STAT4: variants seen among roughly 807,000 people sequenced by gnomAD.
The protein encoded by STAT4 is signal transducer and activator of transcription 4.
In STAT4, 42 loss-of-function variants were observed where a neutral mutation model predicts 110.5. The ratio of observed to expected loss-of-function variants is 0.38; its 90% confidence interval spans 0.30 to 0.49. The LOEUF (loss-of-function observed/expected upper bound fraction) is 0.49. Among genes scored for constraint, STAT4 ranks in the 20% least tolerant of loss-of-function variants. STAT4 has a pLI of 0.95. For missense variants in STAT4, 632 were observed against 887.9 expected (o/e 0.71, Z 3.66); for synonymous variants, 284 against 302.2 (o/e 0.94, Z 0.63).
In STAT4 at chr2:191,033,798, TA is replaced by T; in HGVS notation, c.1715+112del. 7 of 1,334,762 alleles carry T rather than the reference TA, an allele frequency of 5.2e-6. No individual in the cohort carries two copies. Among genetic ancestry groups the T allele is most frequent in the Non-Finnish European group, 6.2e-6 (6 of 973,456 alleles). 82.7% of individuals were successfully genotyped at this position (1,334,762 alleles called of 1,614,324 possible). The stretch of plus-strand genomic sequence containing the variant: ...TCCACAAAGAATAAGAAATTGCAAC[TA>T]TTTTTTTCTGTGGTACTAAACATGC... On this transcript the variant is annotated intron_variant, in intron 19 of 23. Coordinates refer to ENST00000392320, the MANE Select transcript of STAT4 (RefSeq NM_003151.4). This position sits in a 1 kb window ranked among gnomAD's most constrained non-coding sequence, Gnocchi z 6.9.
intron 13 of STAT4, 128 bp downstream of exon 13, chr2:191,057,890 G>A: frequency 1.2e-6 from 1 of 843,474 alleles, no homozygotes; most frequent in South Asian, 1.7e-5. Context: ...GAGCCACCGT[G>A]CCCGGCCGGT....
At position 191,138,375 on chromosome 2, in the gene STAT4, A is replaced by C. The variant is rs946000082; in HGVS notation, c.273+8238T>G. ...ACCATTAGTGAGATTAACCAAAAAAAGAAGAGAGAAGATCCAAATAAGATT... is the reference window on the plus strand; with the variant it reads ...ACCATTAGTGAGATTAACCAAAAAACGAAGAGAGAAGATCCAAATAAGATT... On this transcript the variant is annotated intron_variant, in intron 3 of 23. Coordinates refer to ENST00000392320, the MANE Select transcript of STAT4 (RefSeq NM_003151.4). This position sits in a 1 kb window ranked among gnomAD's most constrained non-coding sequence, Gnocchi z 4.3. Among the ~76,000 whole-genome samples, 2 of 152,212 alleles carry C rather than the reference A, an allele frequency of 1.3e-5. No homozygotes were observed. Among genetic ancestry groups the C allele is most frequent in the African/African-American group, 4.8e-5 (2 of 41,474 alleles).
intron 3 of STAT4, among the ~76,000 whole-genome samples, chr2:191,089,550 C>T (rs2125304444): frequency 6.6e-6 from 1 of 152,208 alleles, no homozygotes; most frequent in Non-Finnish European, 1.5e-5. Flanking sequence ...GCAATTGCAC[C>T]CCTTGGTATT....
At chr2:191,073,378 G>C (rs895049290) in intron 4 of STAT4, among the ~76,000 whole-genome samples, 188 bp from the exon 5 acceptor site, 9 of 152,162 alleles carry the variant, frequency 5.9e-5, no homozygotes, top group Non-Finnish European at 1.3e-4. Flanking sequence ...TTGAAGACTA[G>C]AGCAGATTAT....
At position 191,039,699 on chromosome 2, in the gene STAT4, C is replaced by A. The variant is rs1021759074; in HGVS notation, c.1336-402G>T. Among the ~76,000 whole-genome samples the A allele has an allele frequency of 6.6e-6, 1 of 152,142 alleles. No homozygotes were observed. The highest frequency in any genetic ancestry group is 2.4e-5 in the African/African-American group (1 of 41,410). On this transcript the variant is annotated intron_variant, in intron 15 of 23. Transcript: ENST00000392320. The surrounding 1 kb of genome is among the most constrained non-coding windows in gnomAD (Gnocchi z 4.7). ...AGTTTATCTCTGGAATGAATCAGTACCTTCAAATTATGACCTAACACCTAA... is the reference window on the plus strand; with the variant it reads ...AGTTTATCTCTGGAATGAATCAGTAACTTCAAATTATGACCTAACACCTAA...
chr2:191,044,411 C>T (rs1007435351), intron 14 of STAT4, among the ~76,000 whole-genome samples: 3 of 152,108 alleles, frequency 2.0e-5, no homozygotes, highest in African/African-American at 7.2e-5. Flanking sequence ...ATTTCTAACC[C>T]AGAATTCTAT....
chr2:191,099,745 G>A lies in STAT4; in HGVS notation c.274-23420C>T, dbSNP rs574382953. 1.3e-5 allele frequency among the ~76,000 whole-genome samples: 2 copies of A among 152,074 alleles called. No homozygotes were observed. The highest frequency in any genetic ancestry group is 3.9e-4 in the East Asian group (2 of 5,188). On this transcript the variant is annotated intron_variant, in intron 3 of 23. Transcript: ENST00000392320. This position sits in a 1 kb window ranked among gnomAD's most constrained non-coding sequence, Gnocchi z 4.1. ...AAGGTTCACACTTGACTGTTAATACGGATGTCTTTGAAGGTAGTGGTGTGG... is the reference window on the plus strand; with the variant it reads ...AAGGTTCACACTTGACTGTTAATACAGATGTCTTTGAAGGTAGTGGTGTGG...
chr2:191,059,170 G>C lies in STAT4; in HGVS notation c.1035-401C>G, dbSNP rs555727599. Among the ~76,000 whole-genome samples, 1 of 152,236 alleles carries C rather than the reference G, an allele frequency of 6.6e-6. No homozygotes were observed. The highest frequency in any genetic ancestry group is 2.4e-5 in the African/African-American group (1 of 41,534). On this transcript the variant is annotated intron_variant, in intron 10 of 23. Transcript: ENST00000392320. This position sits in a 1 kb window ranked among gnomAD's most constrained non-coding sequence, Gnocchi z 4.7. ...CATATTACAAAAAAGCACTTTGTGA[G>C]CTTTAATGATAAGTGTTTTATGGTG...
At chr2:191,073,220 G>T in intron 4 of STAT4, 30 bp from the exon 5 acceptor site, 1 of 1,600,380 alleles carries the variant, frequency 6.2e-7, no homozygotes, top group Non-Finnish European at 8.6e-7. Flanking sequence ...AAATCTCTCT[G>T]GTTTTGAAAA....
At chr2:191,131,790 T>C in intron 3 of STAT4, 2 of 1,345,094 alleles carry the variant, frequency 1.5e-6, no homozygotes, top group East Asian at 3.0e-5. Context: ...ATTAGTATCA[T>C]CTGAATGTCC....
intron 3 of STAT4, among the ~76,000 whole-genome samples, chr2:191,109,890 T>C (rs994240453): frequency 6.6e-6 from 1 of 152,212 alleles, no homozygotes; most frequent in South Asian, 2.1e-4. Flanking sequence ...AACTCACAAC[T>C]GCAGGGTACT....
intron 14 of STAT4, 139 bp from the exon 15 acceptor site, chr2:191,041,287 T>C: frequency 6.3e-6 from 2 of 319,386 alleles, no homozygotes; most frequent in African/African-American, 2.2e-5. Flanking sequence ...TTATTGAACA[T>C]TCCCTCTTAT....
At position 191,061,655 on chromosome 2, in the gene STAT4, G is replaced by C. The variant is rs1351565693; in HGVS notation, c.1034+74C>G. ...AACAGCTGAATGCAAGCCACAATGA[G>C]AGAAATTGGCCTTGATCATCCAGAG... On this transcript the variant is annotated intron_variant, in intron 10 of 23. Transcript: ENST00000392320. The surrounding 1 kb of genome is among the most constrained non-coding windows in gnomAD (Gnocchi z 6.2). 1.5e-6 allele frequency: 2 copies of C among 1,351,696 alleles called. No individual in the cohort carries two copies. Among genetic ancestry groups the C allele is most frequent in the African/African-American group, 1.4e-5 (1 of 69,498 alleles). 83.7% of individuals were successfully genotyped at this position (1,351,696 alleles called of 1,614,324 possible). A position where few individuals can be genotyped will look rare whatever the true frequency, so the allele number is the denominator to read the frequency against.
In STAT4 at chr2:191,077,927, G is replaced by A. The variant is rs976061951; in HGVS notation, c.274-1602C>T. Reference sequence around the variant, plus strand: ...AAAATGATCCTATTTATGAAGCGGGGATACCATTTTTTCCATTTCCGTGTG... The same window carrying A: ...AAAATGATCCTATTTATGAAGCGGGAATACCATTTTTTCCATTTCCGTGTG... On this transcript the variant is annotated intron_variant, in intron 3 of 23. Transcript: ENST00000392320. The surrounding 1 kb of genome is among the most constrained non-coding windows in gnomAD (Gnocchi z 4.1). Among the ~76,000 whole-genome samples the A allele has an allele frequency of 2.6e-5, 4 of 151,984 alleles. No homozygotes were observed. Among genetic ancestry groups the A allele is most frequent in the African/African-American group, 9.7e-5 (4 of 41,402 alleles).
chr2:191,106,324 C>T (rs1418116732), intron 3 of STAT4, among the ~76,000 whole-genome samples: 1 of 151,554 alleles, frequency 6.6e-6, no homozygotes, highest in Non-Finnish European at 1.5e-5. Flanking sequence ...AAACACATGC[C>T]TAATTCTGTT....
rs1361013596 is a variant in STAT4, at chr2:191,142,824, G to C, written c.273+3789C>G. Among the ~76,000 whole-genome samples, 1 of 152,148 alleles carries C rather than the reference G, an allele frequency of 6.6e-6. No individual in the cohort carries two copies. Among genetic ancestry groups the C allele is most frequent in the Non-Finnish European group, 1.5e-5 (1 of 68,040 alleles). ...TGTTCAGGGGCTCCGTGGGAAGCGA[G>C]AGAAGGATGAATATTGGAGAGGACA... On this transcript the variant is annotated intron_variant, in intron 3 of 23. Transcript: ENST00000392320. The surrounding 1 kb of genome is among the most constrained non-coding windows in gnomAD (Gnocchi z 4.1).
rs761395395 is a variant in STAT4, at chr2:191,042,324, A to AAAAT, written c.1252-1180_1252-1177dup. Among the ~76,000 whole-genome samples, 16 of 152,192 alleles carry AAAAT rather than the reference A, an allele frequency of 1.1e-4. No individual in the cohort carries two copies. Among genetic ancestry groups the AAAAT allele is most frequent in the Admixed American group, 2.0e-4 (3 of 15,272 alleles). On this transcript the variant is annotated intron_variant, in intron 14 of 23. Transcript: ENST00000392320. The surrounding 1 kb of genome is among the most constrained non-coding windows in gnomAD (Gnocchi z 4.2). Reference sequence around the variant, plus strand: ...AAACTCAGAGGAAAAGCAAAAAGTAAAAATAAATAAATAAATAAAAGAATA... The same window carrying AAAAT: ...AAACTCAGAGGAAAAGCAAAAAGTAAAAATAAATAAATAAATAAATAAAAGAATA...
intron 3 of STAT4, among the ~76,000 whole-genome samples, chr2:191,119,216 T>C (rs763583929): frequency 6.6e-6 from 1 of 152,206 alleles, no homozygotes. Context: ...AATTAGTAGG[T>C]GAATTAAAAT....
rs749113133 is a variant in STAT4, at chr2:191,150,295, A to G, written c.-2+652T>C. On this transcript the variant is annotated intron_variant, in intron 1 of 23. Coordinates refer to ENST00000392320, the MANE Select transcript of STAT4 (RefSeq NM_003151.4). The surrounding 1 kb of genome is among the most constrained non-coding windows in gnomAD (Gnocchi z 6.4). ...GCAGCCTCTGGGAACGCCTTTAGAC[A>G]TCCTTCAGCAGGTTTCTTTGCTTTC... Among the ~76,000 whole-genome samples the G allele has an allele frequency of 4.6e-5, 7 of 152,204 alleles. No homozygotes were observed. Among genetic ancestry groups the G allele is most frequent in the Non-Finnish European group, 1.0e-4 (7 of 68,028 alleles).
Sources: allele counts gnomAD v4.1 joint callset (sites outside exome capture counted in the v4.1 genomes callset), GRCh38; gene constraint gnomAD v4.1.1; non-coding constraint Gnocchi (gnomAD v3.1); transcripts MANE v1.5; gene names NCBI Gene and HGNC (gene_info 2026-07-23, HGNC 2026-07-21).